The following BMPR2 variants were observed in gnomAD, a reference collection of about 807,000 sequenced individuals.
BMPR2 encodes bone morphogenetic protein receptor type-2.
In BMPR2, 29 loss-of-function variants were observed where a neutral mutation model predicts 100.8. The ratio of observed to expected loss-of-function variants is 0.29; its 90% CI spans 0.21 to 0.39. The LOEUF (loss-of-function observed/expected upper bound fraction) is 0.39, where lower values mean the gene tolerates loss of function less well. BMPR2 is among the 10% of genes least tolerant of loss of function. The pLI is 1.00. For missense variants in BMPR2, 1,011 were observed against 1,274.5 expected, an observed-to-expected ratio of 0.79 and a Z score of 3.15; for synonymous variants, 382 against 442.3, an observed-to-expected ratio of 0.86 and a Z score of 1.71.
intron 1 of BMPR2, among the ~76,000 whole-genome samples, chr2:202,428,380 GTTTCTCTCTCTCTC>G (rs994975072): frequency 6.1e-5 from 9 of 146,920 alleles, no homozygotes; most frequent in African/African-American, 1.0e-4. Context: ...CTCTCCTTCT[GTTTCTCTCTCTCTC>G]TTTCTCTCTC....
chr2:202,419,545 T>TG lies in BMPR2; in HGVS notation c.76+41999dup, dbSNP rs1691213766. Among the ~76,000 whole-genome samples, 4 of 151,976 alleles carry TG rather than the reference T, an allele frequency of 2.6e-5. No homozygotes were observed. The South Asian group carries it at 8.3e-4, about 32-fold the overall frequency. The stretch of plus-strand genomic sequence containing the variant: ...CTACTTTTTGTATTTTTAGTAGAGA[T>TG]GGGGTTTCAGCATCTTGGCCAGGCT... On this transcript the variant is annotated intron_variant, in intron 1 of 12. Transcript: ENST00000374580.
chr2:202,397,346 G>A (rs1391572060), intron 1 of BMPR2, among the ~76,000 whole-genome samples: 1 of 152,062 alleles, frequency 6.6e-6, no homozygotes, highest in Non-Finnish European at 1.5e-5. Flanking sequence ...TTATACAGAA[G>A]TTAACTATCA....
intron 3 of BMPR2, among the ~76,000 whole-genome samples, chr2:202,490,368 GAT>G (rs1692876255): frequency 6.6e-6 from 1 of 152,046 alleles, no homozygotes; most frequent in African/African-American, 2.4e-5. Context: ...GCTACTCAAA[GAT>G]ATGTATATAT....
At chr2:202,479,275 A>C (rs772622701) in intron 3 of BMPR2, among the ~76,000 whole-genome samples, 1 of 152,168 alleles carries the variant, frequency 6.6e-6, no homozygotes, top group Non-Finnish European at 1.5e-5. Flanking sequence ...CCATAGTCCA[A>C]CAATTTGTGA....
chr2:202,546,862 G>A (rs1013738612), intron 10 of BMPR2, among the ~76,000 whole-genome samples: 8 of 152,150 alleles, frequency 5.3e-5, no homozygotes, highest in Middle Eastern at 3.4e-3. Context: ...TCAGACTCCC[G>A]GAGTGCTGGG....
intron 1 of BMPR2, among the ~76,000 whole-genome samples, chr2:202,440,938 C>G (rs535905936): frequency 6.6e-6 from 1 of 150,464 alleles, no homozygotes; most frequent in Non-Finnish European, 1.5e-5. Context: ...TACACATTGA[C>G]TAGTATTTAT....
intron 9 of BMPR2, among the ~76,000 whole-genome samples, chr2:202,535,292 G>T (rs1460038566): frequency 6.6e-6 from 1 of 151,774 alleles, no homozygotes; most frequent in Non-Finnish European, 1.5e-5. Context: ...CTCAGACGGG[G>T]CGGCTGCCGG....
At chr2:202,516,042 T>G (rs1344357209) in intron 5 of BMPR2, among the ~76,000 whole-genome samples, 1 of 152,176 alleles carries the variant, frequency 6.6e-6, no homozygotes, top group Non-Finnish European at 1.5e-5. Context: ...CTGCATATAT[T>G]ACATATTTTT....
chr2:202,423,947 G>T (rs1047861973), intron 1 of BMPR2, among the ~76,000 whole-genome samples: 3 of 151,814 alleles, frequency 2.0e-5, no homozygotes, highest in African/African-American at 7.3e-5. Context: ...GGTGGCCCGT[G>T]CAGACGTCCC....
intron 7 of BMPR2, among the ~76,000 whole-genome samples, chr2:202,523,394 G>C (rs779174655): frequency 6.6e-6 from 1 of 152,184 alleles, no homozygotes; most frequent in South Asian, 2.1e-4. Context: ...ATATCCAAAA[G>C]AAAGCAAATA....
intron 1 of BMPR2, among the ~76,000 whole-genome samples, chr2:202,413,855 A>G (rs1691067271): frequency 6.6e-6 from 1 of 152,012 alleles, no homozygotes; most frequent in Admixed American, 6.6e-5. Context: ...AGTAGAGATG[A>G]GGTTTCACCA....
intron 1 of BMPR2, among the ~76,000 whole-genome samples, chr2:202,426,568 CAAAAAAAAA>C (rs35528511): frequency 5.2e-5 from 3 of 58,074 alleles, no homozygotes; most frequent in African/African-American, 1.5e-4. Context: ...GTCTCCGTCT[CAAAAAAAAA>C]AAAAAAAAAA....
intron 1 of BMPR2, among the ~76,000 whole-genome samples, chr2:202,414,892 A>G (rs1436454307): frequency 6.6e-6 from 1 of 151,964 alleles, no homozygotes; most frequent in African/African-American, 2.4e-5. Flanking sequence ...GGTGTGCACC[A>G]CCATGCCCGG....
intron 1 of BMPR2, among the ~76,000 whole-genome samples, chr2:202,407,789 T>C (rs940647097): frequency 9.9e-5 from 15 of 152,034 alleles, no homozygotes; most frequent in African/African-American, 3.4e-4. Flanking sequence ...GTATTTATAC[T>C]TTATTCTGCA....
intron 12 of BMPR2, 136 bp from the exon 13 acceptor site, chr2:202,559,560 C>G: frequency 1.0e-6 from 1 of 973,014 alleles, no homozygotes. Context: ...AAAACATTGT[C>G]TGGCATTATG....
In BMPR2 at chr2:202,555,543, GACT is replaced by G. The variant is rs1393088991; in HGVS notation, c.1883_1885del (p.Thr628del). ...CAGGACTCACGCCAAGTACTGGCAT[GACT>G]ACTATATCTGAGATGCCATACCCAG... On this transcript the variant is annotated inframe_deletion, in exon 12 of 13. Transcript: ENST00000374580. 1 of 1,614,132 alleles carries G rather than the reference GACT, an allele frequency of 6.2e-7. No homozygotes were observed. The highest frequency in any genetic ancestry group is 1.1e-5 in the South Asian group (1 of 91,076).
At chr2:202,421,510 G>A (rs1021503379) in intron 1 of BMPR2, among the ~76,000 whole-genome samples, 1 of 147,904 alleles carries the variant, frequency 6.8e-6, no homozygotes, top group Non-Finnish European at 1.5e-5. Context: ...AGACTGAATG[G>A]TGCTTGGCAG....
intron 1 of BMPR2, among the ~76,000 whole-genome samples, chr2:202,463,868 T>TA (rs1220344485): frequency 1.3e-5 from 2 of 152,152 alleles, no homozygotes; most frequent in African/African-American, 4.8e-5. Context: ...TAACAGAAAG[T>TA]AATTTTTTTG....
At chr2:202,428,631 T>G (rs1218121450) in intron 1 of BMPR2, among the ~76,000 whole-genome samples, 2 of 152,046 alleles carry the variant, frequency 1.3e-5, no homozygotes, top group Non-Finnish European at 2.9e-5. Flanking sequence ...GGTCCTGAAC[T>G]CCTGGGCTGA....
Sources: allele counts gnomAD v4.1 joint callset (sites outside exome capture counted in the v4.1 genomes callset), GRCh38; gene constraint gnomAD v4.1.1; transcripts MANE v1.5; gene names NCBI Gene and HGNC (gene_info 2026-07-23, HGNC 2026-07-21).